SMG5: variants seen among roughly 807,000 people sequenced by gnomAD.
SMG5 encodes SMG5 nonsense mediated mRNA decay factor.
Under a neutral mutation model 122.9 loss-of-function variants are expected in SMG5, and 53 were observed. That is an observed-to-expected ratio of 0.43 (90% CI 0.35 to 0.54). SMG5 has a LOEUF of 0.54. Ranked by LOEUF, SMG5 falls within the 20% of genes least tolerant of loss-of-function variation. The pLI, the probability that SMG5 is intolerant of heterozygous loss-of-function variation, is 0.01. For synonymous variants in SMG5, 477 were observed against 490.2 expected (o/e 0.97, Z 0.35); for missense variants, 1,153 against 1,285.6 (o/e 0.90, Z 1.58).
At chr1:156,291,271 C>A in the SMG5 span, 1 of 875,434 alleles carries the variant, frequency 1.1e-6, no homozygotes, top group Non-Finnish European at 1.8e-6. Context: ...AAGTACCAGC[C>A]ATACCCACCA....
chr1:156,258,213 C>T (rs1022767500), intron 16 of SMG5, among the ~76,000 whole-genome samples: 5 of 152,236 alleles, frequency 3.3e-5, no homozygotes, highest in Non-Finnish European at 5.9e-5. Flanking sequence ...GAGCCCTCCG[C>T]TCCCTTCTAT....
At chr1:156,277,840 TA>T (rs1016823056) in intron 3 of SMG5, 84 bp downstream of exon 3, 2 of 1,568,324 alleles carry the variant, frequency 1.3e-6, no homozygotes, top group African/African-American at 1.4e-5. Flanking sequence ...TTGGCTCCCC[TA>T]CCTCCAACCA....
intron 15 of SMG5, among the ~76,000 whole-genome samples, chr1:156,260,198 G>A (rs1460803215): frequency 6.6e-6 from 1 of 152,198 alleles, no homozygotes; most frequent in African/African-American, 2.4e-5. Flanking sequence ...ACAGAAGGCA[G>A]AGAAAGGAAG....
intron 1 of SMG5, 152 bp downstream of exon 1, chr1:156,282,455 A>G: frequency 2.7e-6 from 2 of 750,064 alleles, no homozygotes; most frequent in Non-Finnish European, 4.3e-6. Context: ...ATCCCGAGTT[A>G]CTACGGGACC....
chr1:156,277,077 C>A lies in SMG5; in HGVS notation c.454+8G>T. ...CCTGCTCAAGTCCACCTTTCAGGTT[C>A]CACTGACCTATGAGGGGGTCAGTGA... On this transcript the variant is annotated splice_region_variant and intron_variant, in intron 4 of 21. Coordinates refer to ENST00000361813, the MANE Select transcript of SMG5 (RefSeq NM_015327.3). 6.2e-7 allele frequency: 1 copy of A among 1,611,156 alleles called. No homozygotes were observed. Among genetic ancestry groups the A allele is most frequent in the South Asian group, 1.1e-5 (1 of 90,752 alleles).
chr1:156,285,620 A>G (rs770270161), upstream of SMG5: 8 of 1,614,050 alleles, frequency 5.0e-6, no homozygotes, highest in Middle Eastern at 1.6e-4. Context: ...CTTCGTGCCT[A>G]TTGACCTACA....
chr1:156,250,769 AG>A, intron 21 of SMG5, 88 bp downstream of exon 21: 1 of 1,603,926 alleles, frequency 6.2e-7, no homozygotes, highest in South Asian at 1.1e-5. Context: ...AGAGAAAAAA[AG>A]GTAGCTATGT....
chr1:156,278,787 C>G, intron 2 of SMG5, 149 bp downstream of exon 2: 1 of 670,544 alleles, frequency 1.5e-6, no homozygotes, highest in South Asian at 1.8e-5. Flanking sequence ...CCTATCTCCT[C>G]TCTTAGGAAG....
rs1662598012 is a variant in SMG5, at chr1:156,274,677, T to C, written c.464A>G (p.Lys155Arg). 1.9e-6 allele frequency: 3 copies of C among 1,613,844 alleles called. No individual in the cohort carries two copies. The highest frequency in any genetic ancestry group is 2.2e-5 in the East Asian group (1 of 44,876). Residue 155 changes from lysine to arginine, a missense_variant, in exon 5 of 22, where the codon AAG becomes AGG. Transcript: ENST00000361813. ...HVTDPLIGCKKPVSASGKEMD... is the reference protein window; with the variant it reads ...HVTDPLIGCKRPVSASGKEMD... ...CTCCTTCCCTGAGGCAGACACTGGC[T>C]TCTTGCATCCTATGAGACAAAGAGA...
chr1:156,266,163 C>T lies in SMG5; in HGVS notation c.1473G>A (p.Glu491=). Residue 491 remains glutamate (E), a synonymous_variant, in exon 12 of 22, where the codon GAG becomes GAA. Coordinates refer to ENST00000361813, the MANE Select transcript of SMG5 (RefSeq NM_015327.3). ...DSSHDSARAS[E]GSDSGSDKSL... is the part of the protein sequence containing the mutation. ...TCTTGTCAGAGCCACTGTCTGAGCC[C>T]TCACTGGCCCGGGCTGAGTCATGGC... 6.2e-7 allele frequency: 1 copy of T among 1,614,284 alleles called. No individual in the cohort carries two copies. The highest frequency in any genetic ancestry group is 8.5e-7 in the Non-Finnish European group (1 of 1,180,056).
In SMG5 at chr1:156,249,692, C is replaced by A; in HGVS notation, c.*895G>T. On this transcript the variant is annotated 3_prime_UTR_variant, in exon 22 of 22. Transcript: ENST00000361813. ...CTTTCTGCTGCCCACTGAATGCCGG[C>A]CCCTTGTCTTCAGCCCTCCCTTAGA... is the stretch of plus-strand genomic sequence containing the variant. 1 of 465,622 alleles carries A rather than the reference C, an allele frequency of 2.1e-6. No individual in the cohort carries two copies. The highest frequency in any genetic ancestry group is 1.6e-5 in the South Asian group (1 of 64,210). The allele number at this position is 465,622 out of a possible 1,614,324, so 28.8% of individuals were successfully genotyped here.
At chr1:156,269,758 C>T (rs978430720) in intron 7 of SMG5, among the ~76,000 whole-genome samples, 3 of 152,184 alleles carry the variant, frequency 2.0e-5, no homozygotes, top group Admixed American at 6.5e-5. Context: ...GCCTGTTGTC[C>T]CAGCTACTTG....
At chr1:156,288,863 G>A in the SMG5 span, among the ~76,000 whole-genome samples, 1 of 152,102 alleles carries the variant, frequency 6.6e-6, no homozygotes. Flanking sequence ...AAACTCCTGG[G>A]GAATACTGGT....
intron 10 of SMG5, 123 bp downstream of exon 10, chr1:156,267,347 G>T: frequency 1.0e-6 from 1 of 968,248 alleles, no homozygotes. Context: ...CCACAGCCAA[G>T]CAGTGACACA....
intron 20 of SMG5, 106 bp downstream of exon 20, chr1:156,251,297 G>T: frequency 7.6e-7 from 1 of 1,317,512 alleles, no homozygotes; most frequent in Non-Finnish European, 1.1e-6. Flanking sequence ...GGCAGGCTAC[G>T]TGTGGAGCCT....
At chr1:156,268,898 A>C (rs779837448) in intron 7 of SMG5, among the ~76,000 whole-genome samples, 1 of 152,196 alleles carries the variant, frequency 6.6e-6, no homozygotes. Flanking sequence ...GAGGACACAT[A>C]GCCTGTGAGA....
At chr1:156,286,196 T>G, upstream of SMG5, 2 of 1,534,334 alleles carry the variant, frequency 1.3e-6, no homozygotes. Flanking sequence ...TGCCCCCAGC[T>G]TACTGCCTCT....
At chr1:156,255,093 A>G (rs1285601618) in intron 16 of SMG5, among the ~76,000 whole-genome samples, 1 of 151,390 alleles carries the variant, frequency 6.6e-6, no homozygotes, top group Non-Finnish European at 1.5e-5. Flanking sequence ...TCCGTCTCAA[A>G]ATAAATAAAC....
At chr1:156,282,980 C>A, upstream of SMG5, 1 of 517,726 alleles carries the variant, frequency 1.9e-6, no homozygotes, top group South Asian at 3.0e-5. Context: ...TTCTCCAAAC[C>A]CTTGCGAAAA....
Sources: gnomAD v4.1 joint callset for allele counts (sites outside exome capture counted in the v4.1 genomes callset) on GRCh38, gnomAD v4.1.1 for gene constraint, MANE v1.5 for transcripts, NCBI Gene and HGNC (gene_info 2026-07-23, HGNC 2026-07-21) for gene names.